Variants in XYLT1 observed in about 807,000 individuals in gnomAD.
XYLT1 encodes beta-D-xylosyltransferase 1.
In XYLT1, 36 loss-of-function variants were observed where a neutral mutation model predicts 91.3. That is an observed-to-expected ratio of 0.39 (90% CI 0.30 to 0.52). XYLT1 has a LOEUF of 0.52. Ranked by LOEUF, XYLT1 falls within the 20% of genes least tolerant of loss-of-function variation. The pLI, the probability that XYLT1 is intolerant of heterozygous loss-of-function variation, is 0.68. For synonymous variants in XYLT1, 588 were observed against 532.0 expected (o/e 1.11, Z -1.45); for missense variants, 1,242 against 1,284.5 (o/e 0.97, Z 0.51).
At chr16:17,290,700 A>G (rs905600576) in intron 2 of XYLT1, among the ~76,000 whole-genome samples, 3 of 152,242 alleles carry the variant, frequency 2.0e-5, no homozygotes, top group Non-Finnish European at 2.9e-5. Flanking sequence ...TATAAAGATG[A>G]AGAGACTGAG....
At chr16:17,410,060 C>A (rs1439903260) in intron 1 of XYLT1, among the ~76,000 whole-genome samples, 2 of 152,174 alleles carry the variant, frequency 1.3e-5, no homozygotes, top group Admixed American at 6.5e-5. Context: ...CCTGTCCCTG[C>A]TGCTAATGAG....
rs897943302 is a variant in XYLT1 at position 17,379,795 on chromosome 16, C to A, written c.364-21745G>T. On this transcript the variant is annotated intron_variant, in intron 1 of 11. Transcript: ENST00000261381. ...CACACACACACACACACACACACAC[C>A]CCTTACCTCCAGAGAGCCAGACATT... 1.5e-4 allele frequency among the ~76,000 whole-genome samples: 16 copies of A among 104,528 alleles called. No homozygotes were observed. In the East Asian group the frequency reaches 2.9e-3, roughly 19 times the overall value. 68.6% of individuals were successfully genotyped at this position (104,528 alleles called of 152,430 possible). A position where few individuals can be genotyped will look rare whatever the true frequency, so the allele number is the denominator to read the frequency against.
intron 1 of XYLT1, among the ~76,000 whole-genome samples, chr16:17,400,620 G>A (rs1235647085): frequency 7.9e-6 from 1 of 126,386 alleles, no homozygotes; most frequent in Non-Finnish European, 1.7e-5. Context: ...AGGGAGGGAG[G>A]GAGGAAGGGA....
At chr16:17,415,053 C>T (rs1478244444) in intron 1 of XYLT1, among the ~76,000 whole-genome samples, 1 of 152,128 alleles carries the variant, frequency 6.6e-6, no homozygotes, top group East Asian at 1.9e-4. Context: ...GTATAAACAC[C>T]AAAAACCACC....
chr16:17,319,263 T>C (rs1236550328), intron 2 of XYLT1, among the ~76,000 whole-genome samples: 2 of 152,162 alleles, frequency 1.3e-5, no homozygotes, highest in African/African-American at 4.8e-5. Context: ...GAACTTATAA[T>C]AAATGATCTT....
chr16:17,134,836 G>T, intron 8 of XYLT1, 101 bp from the exon 9 acceptor site: 1 of 1,427,286 alleles, frequency 7.0e-7, no homozygotes, highest in Non-Finnish European at 9.6e-7. Flanking sequence ...AAGCTCTGCT[G>T]GACCCGAATT....
chr16:17,268,579 T>C lies in XYLT1; in HGVS notation c.403-9081A>G, dbSNP rs187172409. Among the ~76,000 whole-genome samples the C allele has an allele frequency of 9.5e-4, 144 of 152,234 alleles. 1 individual carries two copies. The highest frequency in any genetic ancestry group is 3.3e-3 in the African/African-American group (138 of 41,548). On this transcript the variant is annotated intron_variant, in intron 2 of 11. Transcript: ENST00000261381. ...GATTCTTTTATGTAGGCTGTTTTGCTACATGCCAAGCCTTTTGATTTGTAT... is the reference window on the plus strand; with the variant it reads ...GATTCTTTTATGTAGGCTGTTTTGCCACATGCCAAGCCTTTTGATTTGTAT...
intron 1 of XYLT1, among the ~76,000 whole-genome samples, chr16:17,457,129 C>T (rs1020623478): frequency 6.6e-6 from 1 of 152,134 alleles, no homozygotes; most frequent in Non-Finnish European, 1.5e-5. Flanking sequence ...TCTTAATAGG[C>T]ACTCTAAATT....
At chr16:17,432,729 T>G (rs914680752) in intron 1 of XYLT1, among the ~76,000 whole-genome samples, 6 of 152,146 alleles carry the variant, frequency 3.9e-5, no homozygotes, top group African/African-American at 7.2e-5. Context: ...CCCTTTTTCA[T>G]CGCTCACCTC....
At chr16:17,321,659 T>C (rs920968522) in intron 2 of XYLT1, among the ~76,000 whole-genome samples, 8 of 152,132 alleles carry the variant, frequency 5.3e-5, no homozygotes, top group African/African-American at 1.9e-4. Context: ...CACCCAGCTA[T>C]CTGTTCTGTT....
intron 2 of XYLT1, among the ~76,000 whole-genome samples, chr16:17,269,834 T>C (rs1054838838): frequency 1.0e-5 from 1 of 98,848 alleles, no homozygotes; most frequent in Non-Finnish European, 2.2e-5. Flanking sequence ...TATTTTGAGA[T>C]GGAGTCTCCC....
rs535977102 is a variant in XYLT1 at position 17,357,883 on chromosome 16, A to G, written c.402+129T>C. 20 of 934,034 alleles carry G rather than the reference A, an allele frequency of 2.1e-5. No homozygotes were observed. In the South Asian group the frequency reaches 3.3e-4, roughly 15 times the overall value. 57.9% of individuals were successfully genotyped at this position (934,034 alleles called of 1,614,324 possible). On this transcript the variant is annotated intron_variant, in intron 2 of 11. Coordinates refer to ENST00000261381, the MANE Select transcript of XYLT1 (RefSeq NM_022166.4). ...AGTGTGTATACATACATGTGCAGGC[A>G]CACACACATCCAAATGGGACCAGGG...
intron 1 of XYLT1, among the ~76,000 whole-genome samples, chr16:17,379,756 C>CTT (rs1489435956): frequency 1.5e-5 from 2 of 134,908 alleles, no homozygotes; most frequent in African/African-American, 6.3e-5. Flanking sequence ...CTCTCTCTCT[C>CTT]TCTCTCTCAC....
At chr16:17,454,914 C>A (rs1472022825) in intron 1 of XYLT1, among the ~76,000 whole-genome samples, 3 of 74,908 alleles carry the variant, frequency 4.0e-5, no homozygotes, top group African/African-American at 1.6e-4. Context: ...CCCCCCCCCG[C>A]CCCCCCCCGC....
intron 4 of XYLT1, among the ~76,000 whole-genome samples, chr16:17,199,510 G>C (rs1160791195): frequency 6.6e-6 from 1 of 152,100 alleles, no homozygotes; most frequent in African/African-American, 2.4e-5. Context: ...GATATGGTTT[G>C]GTTGTGTCCC....
At chr16:17,219,688 C>G (rs999486682) in intron 3 of XYLT1, among the ~76,000 whole-genome samples, 1 of 152,200 alleles carries the variant, frequency 6.6e-6, no homozygotes, top group Admixed American at 6.5e-5. Flanking sequence ...GTCACCCAGG[C>G]TGGAGTGCAG....
intron 5 of XYLT1, among the ~76,000 whole-genome samples, chr16:17,159,503 A>G (rs2031496348): frequency 6.6e-6 from 1 of 152,220 alleles, no homozygotes; most frequent in Admixed American, 6.5e-5. Context: ...CCACGAGGAC[A>G]GAGCCCAGCT....
intron 1 of XYLT1, among the ~76,000 whole-genome samples, chr16:17,409,603 G>A (rs1314584833): frequency 6.8e-6 from 1 of 146,386 alleles, no homozygotes; most frequent in Non-Finnish European, 1.5e-5. Context: ...AGGCTGGAGT[G>A]CAGTGACGTG....
intron 2 of XYLT1, among the ~76,000 whole-genome samples, chr16:17,315,444 T>C (rs1213750238): frequency 6.6e-6 from 1 of 152,240 alleles, no homozygotes; most frequent in Non-Finnish European, 1.5e-5. Context: ...TAGAGAATTC[T>C]CGCTCCCCTA....
Sources: gnomAD v4.1 joint callset for allele counts (sites outside exome capture counted in the v4.1 genomes callset) on GRCh38, gnomAD v4.1.1 for gene constraint, MANE v1.5 for transcripts, NCBI Gene and HGNC (gene_info 2026-07-23, HGNC 2026-07-21) for gene names.